Variants in NDNF observed in about 807,000 individuals in gnomAD.
NDNF encodes neuron derived neurotrophic factor, also known as protein NDNF.
A neutral mutation model predicts 42.0 loss-of-function variants in NDNF; 16 were observed. The ratio of observed to expected loss-of-function variants is 0.38; its 90% CI spans 0.26 to 0.58. The LOEUF is 0.58. Ranked by LOEUF, NDNF falls within the 20% of genes least tolerant of loss-of-function variation. NDNF has a pLI of 0.67. For synonymous variants in NDNF, 248 were observed against 251.7 expected, an observed-to-expected ratio of 0.99 and a Z score of 0.14; for missense variants, 616 against 666.2, an observed-to-expected ratio of 0.92 and a Z score of 0.83.
chr4:121,067,084 A>T (rs1040551323), intron 1 of NDNF, among the ~76,000 whole-genome samples: 1 of 152,218 alleles, frequency 6.6e-6, no homozygotes, highest in Non-Finnish European at 1.5e-5. Flanking sequence ...CACGCTGTGG[A>T]GGCAGTGTCT....
chr4:121,037,942 C>T (rs1726907701), intron 3 of NDNF: 1 of 308,750 alleles, frequency 3.2e-6, no homozygotes, highest in African/African-American at 2.1e-5. Context: ...ATTATTAATC[C>T]TAACTGTCAA....
At chr4:121,066,701 T>C (rs1480326891) in intron 1 of NDNF, among the ~76,000 whole-genome samples, 2 of 152,244 alleles carry the variant, frequency 1.3e-5, no homozygotes, top group Non-Finnish European at 2.9e-5. Flanking sequence ...ATTTTACTGC[T>C]TATTTTAGAA....
At position 121,036,703 on chromosome 4, in the gene NDNF, C is replaced by T; in HGVS notation, c.1268G>A (p.Gly423Glu). 1 of 1,614,096 alleles carries T rather than the reference C, an allele frequency of 6.2e-7. No individual in the cohort carries two copies. The highest frequency in any genetic ancestry group is 8.5e-7 in the Non-Finnish European group (1 of 1,180,012). Residue 423 changes from glycine (G) to glutamate (E), a missense_variant, in exon 4 of 4, where the codon GGA becomes GAA. Gly to Glu is a moderately conservative substitution (Grantham distance 98). Transcript: ENST00000379692. Reference protein sequence around the residue: ...PKAKYLVRLKGNKKGASMLKI... With the variant: ...PKAKYLVRLKENKKGASMLKI... Reference sequence around the variant, plus strand: ...CAACATAGATGCTCCTTTCTTGTTTCCTTTCAGTCGAACGAGGTATTTAGC... The same window carrying T: ...CAACATAGATGCTCCTTTCTTGTTTTCTTTCAGTCGAACGAGGTATTTAGC...
chr4:121,039,157 G>GTATATATATATGTA lies in NDNF; in HGVS notation c.313+772_313+773insTACATATATATATA, dbSNP rs1579308492. ...TATATATATATGTGTATATATATAT[G>GTATATATATATGTA]TATATATATATATAAAGACTATGTG... On this transcript the variant is annotated intron_variant, in intron 3 of 3. Transcript: ENST00000379692. 4.0e-3 allele frequency among the ~76,000 whole-genome samples: 26 copies of GTATATATATATGTA among 6,450 alleles called. 3 individuals are homozygous for GTATATATATATGTA. Among genetic ancestry groups the GTATATATATATGTA allele is most frequent in the Admixed American group, 0.021 (6 of 284 alleles). 4.2% of individuals were successfully genotyped at this position (6,450 alleles called of 152,430 possible).
At chr4:121,068,831 T>C (rs180964571) in intron 1 of NDNF, among the ~76,000 whole-genome samples, 36 of 152,258 alleles carry the variant, frequency 2.4e-4, no homozygotes, top group Middle Eastern at 3.4e-3. Context: ...TAATTCACAC[T>C]CTGTTCCTAT....
intron 1 of NDNF, among the ~76,000 whole-genome samples, chr4:121,046,779 C>T (rs893254258): frequency 6.6e-6 from 1 of 152,186 alleles, no homozygotes; most frequent in Non-Finnish European, 1.5e-5. Context: ...CTGCACATTG[C>T]TGTAGGGGTG....
chr4:121,045,969 A>T, intron 1 of NDNF, 131 bp from the exon 2 acceptor site: 1 of 669,124 alleles, frequency 1.5e-6, no homozygotes, highest in Non-Finnish European at 2.3e-6. Flanking sequence ...TTTTGGATAC[A>T]TACACATGAT....
Position 121,048,473 on chromosome 4 carries a change from C to T in NDNF, c.-1-2635G>A, listed in dbSNP as rs573161364. On this transcript the variant is annotated intron_variant, in intron 1 of 3. Coordinates refer to ENST00000379692, the MANE Select transcript of NDNF (RefSeq NM_024574.4). ...TCAGCCCGAGTTGGAAAAATAGTGTCGATTGATAGGAACTTTCCCTGCATC... is the reference window on the plus strand; with the variant it reads ...TCAGCCCGAGTTGGAAAAATAGTGTTGATTGATAGGAACTTTCCCTGCATC... Among the ~76,000 whole-genome samples, 21 of 152,240 alleles carry T rather than the reference C, an allele frequency of 1.4e-4. 1 individual carries two copies. Among genetic ancestry groups the T allele is most frequent in the African/African-American group, 3.9e-4 (16 of 41,542 alleles).
At chr4:121,048,322 C>T (rs1727129743) in intron 1 of NDNF, among the ~76,000 whole-genome samples, 1 of 152,200 alleles carries the variant, frequency 6.6e-6, no homozygotes, top group East Asian at 1.9e-4. Flanking sequence ...GCATATTTGC[C>T]TCAGAGCCAC....
At chr4:121,048,817 G>A (rs72684033) in intron 1 of NDNF, among the ~76,000 whole-genome samples, 30,269 of 151,936 alleles carry the variant, frequency 0.2, 3,333 homozygotes, top group South Asian at 0.33. Flanking sequence ...CAGCATGGGC[G>A]ACAGAGCCTC....
At chr4:121,039,188 G>GTA (rs1726945307) in intron 3 of NDNF, among the ~76,000 whole-genome samples, 3 of 66,606 alleles carry the variant, frequency 4.5e-5, no homozygotes, top group African/African-American at 2.3e-4. Flanking sequence ...ATGTGTGTGT[G>GTA]TGTGTATATA....
intron 1 of NDNF, among the ~76,000 whole-genome samples, chr4:121,058,019 A>G (rs1727327600): frequency 6.6e-6 from 1 of 152,208 alleles, no homozygotes; most frequent in Non-Finnish European, 1.5e-5. Context: ...CTTGAATTAT[A>G]GTTATTTTTT....
chr4:121,069,278 C>T (rs1727550456), intron 1 of NDNF, among the ~76,000 whole-genome samples: 1 of 152,174 alleles, frequency 6.6e-6, no homozygotes, highest in Non-Finnish European at 1.5e-5. Context: ...CTTTAACATT[C>T]ATACTTCACC....
intron 1 of NDNF, among the ~76,000 whole-genome samples, chr4:121,070,505 G>A (rs1431532128): frequency 1.3e-5 from 2 of 152,096 alleles, no homozygotes; most frequent in African/African-American, 2.4e-5. Flanking sequence ...GGGAGGAGGA[G>A]AGGAGGAGGT....
chr4:121,044,324 G>T (rs146567379), intron 2 of NDNF, among the ~76,000 whole-genome samples: 10 of 152,190 alleles, frequency 6.6e-5, no homozygotes, highest in African/African-American at 2.4e-4. Context: ...ATGGGTTATT[G>T]ATGTTCTGAA....
rs556970051 is a variant in NDNF, at chr4:121,035,692, T to A, written c.*572A>T. On this transcript the variant is annotated 3_prime_UTR_variant, in exon 4 of 4. Transcript: ENST00000379692. Reference sequence around the variant, plus strand: ...ATATAATGTATGTCAACTTTGTACATGAGATACATATAGTATTTAAACATT... The same window carrying A: ...ATATAATGTATGTCAACTTTGTACAAGAGATACATATAGTATTTAAACATT... The A allele has an allele frequency of 1.3e-5, 2 of 152,604 alleles. No individual in the cohort carries two copies. The highest frequency in any genetic ancestry group is 1.3e-4 in the Admixed American group (2 of 15,286). The allele number at this position is 152,604 out of a possible 1,614,324, so 9.5% of individuals were successfully genotyped here.
intron 1 of NDNF, chr4:121,061,452 T>G (rs1429050518): frequency 6.5e-6 from 1 of 152,778 alleles, no homozygotes; most frequent in African/African-American, 2.4e-5. Flanking sequence ...GGTTGACAAA[T>G]GTCGCAGCCA....
intron 1 of NDNF, among the ~76,000 whole-genome samples, chr4:121,051,335 T>C (rs1232832243): frequency 2.0e-5 from 3 of 152,158 alleles, no homozygotes; most frequent in Non-Finnish European, 2.9e-5. Flanking sequence ...TGATGGATAA[T>C]TGAACATGTA....
At position 121,041,639 on chromosome 4, in the gene NDNF, G is replaced by A. The variant is rs147367081; in HGVS notation, c.189-1585C>T. On this transcript the variant is annotated intron_variant, in intron 2 of 3. Transcript: ENST00000379692. ...ACATAGTACATTTGCTTTTTTAGGA[G>A]ATTCCTCTTGCTGCAGTTTTAAGGA... 2.2e-4 allele frequency among the ~76,000 whole-genome samples: 34 copies of A among 152,306 alleles called. No individual in the cohort carries two copies. In the East Asian group the frequency reaches 4.8e-3, roughly 22 times the overall value.
Sources: gnomAD v4.1 joint callset for allele counts (sites outside exome capture counted in the v4.1 genomes callset) on GRCh38, gnomAD v4.1.1 for gene constraint, MANE v1.5 for transcripts, NCBI Gene and HGNC (gene_info 2026-07-23, HGNC 2026-07-21) for gene names.